RBFOX1: variants seen among roughly 807,000 people sequenced by gnomAD.
The protein encoded by RBFOX1 is RNA binding fox-1 homolog 1, also known as RNA binding protein fox-1 homolog 1.
In RBFOX1, 8 loss-of-function variants were observed where a neutral mutation model predicts 57.7. That is an observed-to-expected ratio of 0.14 (90% CI 0.08 to 0.25). The LOEUF is 0.25. Among genes scored for constraint, RBFOX1 ranks in the 10% least tolerant of loss-of-function variants. The pLI is 1.00. For synonymous variants in RBFOX1, 326 were observed against 222.4 expected (o/e 1.47, Z -4.15); for missense variants, 611 against 548.5 (o/e 1.11, Z -1.14).
At chr16:7,293,936 G>A (rs1012254236) in intron 4 of RBFOX1, among the ~76,000 whole-genome samples, 3 of 152,098 alleles carry the variant, frequency 2.0e-5, no homozygotes, top group African/African-American at 7.2e-5. Context: ...ATTCAGAGCT[G>A]GAGATGTTAG....
In RBFOX1 at chr16:7,653,960, G is replaced by A; in HGVS notation, c.890+13G>A. On this transcript the variant is annotated intron_variant, in intron 12 of 15. Coordinates refer to ENST00000550418, the MANE Select transcript of RBFOX1 (RefSeq NM_018723.4). ...CGGCCTACGGCGGGTAAGTGGGGCAGCCTCCTGGGTGGGCCTCCCTGCACC... is the reference window on the plus strand; with the variant it reads ...CGGCCTACGGCGGGTAAGTGGGGCAACCTCCTGGGTGGGCCTCCCTGCACC... 1 of 1,494,902 alleles carries A rather than the reference G, an allele frequency of 6.7e-7. No individual in the cohort carries two copies. 92.6% of individuals were successfully genotyped at this position (1,494,902 alleles called of 1,614,324 possible).
intron 3 of RBFOX1, among the ~76,000 whole-genome samples, chr16:5,740,617 C>T (rs2151589725): frequency 6.6e-6 from 1 of 152,274 alleles, no homozygotes; most frequent in South Asian, 2.1e-4. Context: ...TGGCTTCAGG[C>T]ATAGCTGGAT....
intron 4 of RBFOX1, among the ~76,000 whole-genome samples, chr16:7,281,655 C>A (rs1434494590): frequency 6.6e-6 from 1 of 152,034 alleles, no homozygotes; most frequent in Non-Finnish European, 1.5e-5. Context: ...GATGAGAAGA[C>A]AGTGTCCAGC....
At chr16:6,807,637 G>A (rs969123637) in intron 3 of RBFOX1, among the ~76,000 whole-genome samples, 7 of 152,034 alleles carry the variant, frequency 4.6e-5, no homozygotes, top group Non-Finnish European at 1.0e-4. Flanking sequence ...CGAGCATGGT[G>A]AAAGCCCATC....
chr16:6,889,511 TG>T (rs1285793729), intron 3 of RBFOX1, among the ~76,000 whole-genome samples: 1 of 152,192 alleles, frequency 6.6e-6, no homozygotes, highest in Non-Finnish European at 1.5e-5. Flanking sequence ...AGCTGTGTGT[TG>T]GGTTCTTCGT....
At chr16:6,471,973 C>T (rs763915743) in intron 2 of RBFOX1, among the ~76,000 whole-genome samples, 15 of 152,206 alleles carry the variant, frequency 9.9e-5, no homozygotes, top group African/African-American at 2.4e-4. Context: ...TGGGGCCAAA[C>T]AGACTCCTGA....
intron 4 of RBFOX1, among the ~76,000 whole-genome samples, chr16:5,908,167 CACATAT>C (rs2058515115): frequency 3.2e-5 from 3 of 92,912 alleles, no homozygotes; most frequent in African/African-American, 1.5e-4. Flanking sequence ...CATATATATA[CACATAT>C]ATACACATAT....
intron 3 of RBFOX1, among the ~76,000 whole-genome samples, chr16:6,899,336 A>G (rs1208500698): frequency 2.0e-5 from 3 of 152,060 alleles, no homozygotes; most frequent in African/African-American, 2.4e-5. Flanking sequence ...CTTGCATTCC[A>G]TTTTCTATTT....
intron 4 of RBFOX1, among the ~76,000 whole-genome samples, chr16:7,145,594 T>A (rs1300755866): frequency 6.6e-6 from 1 of 152,166 alleles, no homozygotes; most frequent in African/African-American, 2.4e-5. Context: ...ACTTACTGTG[T>A]TTTACCCCTC....
chr16:5,871,667 C>T (rs2057475676), intron 4 of RBFOX1, among the ~76,000 whole-genome samples: 1 of 152,078 alleles, frequency 6.6e-6, no homozygotes, highest in Admixed American at 6.6e-5. Context: ...ATCTGAGACC[C>T]AGCCCCACGT....
intron 2 of RBFOX1, among the ~76,000 whole-genome samples, chr16:6,642,721 G>C (rs901954076): frequency 2.0e-5 from 3 of 152,144 alleles, no homozygotes; most frequent in Non-Finnish European, 2.9e-5. Flanking sequence ...ATAATAGTTT[G>C]GTTGGGGATC....
intron 2 of RBFOX1, among the ~76,000 whole-genome samples, chr16:6,416,804 T>G (rs1406681235): frequency 6.6e-6 from 1 of 152,186 alleles, no homozygotes; most frequent in East Asian, 1.9e-4. Context: ...CAGGTTGCAG[T>G]GCTGGTAATC....
intron 10 of RBFOX1, among the ~76,000 whole-genome samples, chr16:7,615,987 G>C (rs1467234882): frequency 6.6e-6 from 1 of 152,152 alleles, no homozygotes; most frequent in African/African-American, 2.4e-5. Context: ...GTCATCAATG[G>C]CAGTCAAAGA....
intron 3 of RBFOX1, among the ~76,000 whole-genome samples, chr16:6,715,445 C>T (rs558713294): frequency 9.2e-5 from 14 of 152,168 alleles, no homozygotes; most frequent in African/African-American, 1.2e-4. Context: ...GGTTAGTAAA[C>T]AAATGATTGC....
At chr16:6,588,938 A>G (rs1306283747) in intron 2 of RBFOX1, among the ~76,000 whole-genome samples, 2 of 152,154 alleles carry the variant, frequency 1.3e-5, no homozygotes, top group Admixed American at 6.5e-5. Flanking sequence ...CCCAGGATAC[A>G]CTAGTCTTGT....
chr16:7,495,722 C>G (rs1457416839), intron 4 of RBFOX1, among the ~76,000 whole-genome samples: 1 of 152,110 alleles, frequency 6.6e-6, no homozygotes, highest in East Asian at 1.9e-4. Flanking sequence ...AACCTTTTTA[C>G]ATTTATTTTA....
rs543736332 is a variant in RBFOX1, at chr16:7,633,871, C to G, written c.757+3188C>G. 1.2e-4 allele frequency among the ~76,000 whole-genome samples: 19 copies of G among 152,266 alleles called. No individual in the cohort carries two copies. In the South Asian group the frequency reaches 3.9e-3, roughly 32 times the overall value. ...TTTGGTCTAGGCTGTTTGTGGATTG[C>G]TGGCTTGGCAACATTCACTTAGGTT... On this transcript the variant is annotated intron_variant, in intron 11 of 15. Coordinates refer to ENST00000550418, the MANE Select transcript of RBFOX1 (RefSeq NM_018723.4).
chr16:7,358,344 A>G (rs1488736807), intron 4 of RBFOX1, among the ~76,000 whole-genome samples: 1 of 152,240 alleles, frequency 6.6e-6, no homozygotes, highest in African/African-American at 2.4e-5. Flanking sequence ...TTAATAAATA[A>G]TGATAAATCT....
intron 4 of RBFOX1, among the ~76,000 whole-genome samples, chr16:7,245,634 T>A (rs1421449096): frequency 6.6e-6 from 1 of 152,256 alleles, no homozygotes; most frequent in African/African-American, 2.4e-5. Flanking sequence ...GAGAAAGAGC[T>A]ATGCTGATAA....
Sources: allele counts gnomAD v4.1 joint callset (sites outside exome capture counted in the v4.1 genomes callset), GRCh38; gene constraint gnomAD v4.1.1; transcripts MANE v1.5; gene names NCBI Gene and HGNC (gene_info 2026-07-23, HGNC 2026-07-21).